NEGR1: variants seen among roughly 807,000 people sequenced by gnomAD.
NEGR1 encodes IgLON family member 4.
Under a neutral mutation model 40.9 loss-of-function variants are expected in NEGR1, and 10 were observed. The ratio of observed to expected loss-of-function variants is 0.24; its 90% CI spans 0.15 to 0.42. NEGR1 has a LOEUF of 0.42. NEGR1 is among the 10% of genes least tolerant of loss of function. The pLI is 1.00. For synonymous variants in NEGR1, 185 were observed against 166.8 expected, an observed-to-expected ratio of 1.11 and a Z score of -0.84; for missense variants, 352 against 438.9, an observed-to-expected ratio of 0.80 and a Z score of 1.77.
intron 6 of NEGR1, among the ~76,000 whole-genome samples, chr1:71,493,051 A>G (rs1261027894): frequency 1.3e-5 from 2 of 151,680 alleles, no homozygotes; most frequent in East Asian, 3.9e-4. Context: ...TTAGATTCAT[A>G]CTCCCCATCT....
chr1:71,704,683 A>T (rs536565198), intron 3 of NEGR1, among the ~76,000 whole-genome samples: 2 of 152,008 alleles, frequency 1.3e-5, no homozygotes, highest in Non-Finnish European at 2.9e-5. Flanking sequence ...CTTCAAGATC[A>T]TATCTCTATT....
At chr1:72,053,031 T>C (rs1217037121) in intron 1 of NEGR1, among the ~76,000 whole-genome samples, 1 of 151,430 alleles carries the variant, frequency 6.6e-6, no homozygotes, top group Non-Finnish European at 1.5e-5. Context: ...TTAATGCTTA[T>C]CAAGTTTTAT....
chr1:71,775,719 C>T (rs903714712), intron 3 of NEGR1, among the ~76,000 whole-genome samples: 12 of 151,140 alleles, frequency 7.9e-5, no homozygotes, highest in South Asian at 2.1e-4. Context: ...TGGCCAGGCG[C>T]GATGGCTCAT....
chr1:71,564,281 C>G (rs1648550214), intron 6 of NEGR1, among the ~76,000 whole-genome samples: 1 of 151,950 alleles, frequency 6.6e-6, no homozygotes, highest in Non-Finnish European at 1.5e-5. Flanking sequence ...ATTATCATCA[C>G]CACATACACT....
rs1338440268 is a variant in NEGR1 at position 71,731,201 on chromosome 1, G to T, written c.536-33062C>A. Reference sequence around the variant, plus strand: ...AATTTTACATGGTGAATTTTATGTGGTATGTATTCTAGAGCTTCTCCTCTC... The same window carrying T: ...AATTTTACATGGTGAATTTTATGTGTTATGTATTCTAGAGCTTCTCCTCTC... On this transcript the variant is annotated intron_variant, in intron 3 of 6. Coordinates refer to ENST00000357731, the MANE Select transcript of NEGR1 (RefSeq NM_173808.3). Among the ~76,000 whole-genome samples, 3 of 151,950 alleles carry T rather than the reference G, an allele frequency of 2.0e-5. No homozygotes were observed. The East Asian group carries it at 5.8e-4, about 29-fold the overall frequency.
intron 1 of NEGR1, among the ~76,000 whole-genome samples, chr1:72,067,717 G>GA (rs112631946): frequency 1.1e-4 from 17 of 151,570 alleles, no homozygotes; most frequent in African/African-American, 2.4e-4. Flanking sequence ...CATACTGGGG[G>GA]AAAAAAAACT....
intron 2 of NEGR1, among the ~76,000 whole-genome samples, chr1:71,810,413 C>T (rs796683056): frequency 5.9e-5 from 9 of 152,044 alleles, no homozygotes; most frequent in African/African-American, 2.2e-4. Flanking sequence ...TTGTAATTTT[C>T]CAGTCAGATA....
At chr1:72,246,200 C>G (rs182483054) in intron 1 of NEGR1, among the ~76,000 whole-genome samples, 1 of 139,380 alleles carries the variant, frequency 7.2e-6, no homozygotes, top group Non-Finnish European at 1.6e-5. Flanking sequence ...CTTTCCATCA[C>G]TTTCCTGACT....
intron 1 of NEGR1, among the ~76,000 whole-genome samples, chr1:72,144,845 T>C (rs1468939429): frequency 6.6e-6 from 1 of 152,072 alleles, no homozygotes; most frequent in Non-Finnish European, 1.5e-5. Flanking sequence ...TAAAGATTTT[T>C]CTCTGATTTC....
At chr1:71,583,917 C>T (rs1649215440) in intron 6 of NEGR1, among the ~76,000 whole-genome samples, 1 of 152,156 alleles carries the variant, frequency 6.6e-6, no homozygotes, top group African/African-American at 2.4e-5. Context: ...GATTATGCAA[C>T]TATCTAAAAA....
chr1:71,662,500 T>C (rs564009338), intron 4 of NEGR1, among the ~76,000 whole-genome samples: 1 of 152,138 alleles, frequency 6.6e-6, no homozygotes, highest in Non-Finnish European at 1.5e-5. Flanking sequence ...ACCTTGGTTC[T>C]ACCATTTATT....
At chr1:71,612,817 T>G (rs1650305716) in intron 4 of NEGR1, among the ~76,000 whole-genome samples, 1 of 152,158 alleles carries the variant, frequency 6.6e-6, no homozygotes, top group African/African-American at 2.4e-5. Flanking sequence ...ACACTGAGGC[T>G]GAAGCTAGCC....
chr1:71,726,720 T>C (rs939894664), intron 3 of NEGR1, among the ~76,000 whole-genome samples: 2 of 152,176 alleles, frequency 1.3e-5, no homozygotes, highest in Admixed American at 1.3e-4. Flanking sequence ...CAGTCACATG[T>C]CCATCTCTAG....
At chr1:71,688,403 T>A (rs74197330) in intron 4 of NEGR1, among the ~76,000 whole-genome samples, 3,410 of 30,024 alleles carry the variant, frequency 0.11, 650 homozygotes, top group African/African-American at 0.18. Context: ...AATATATATA[T>A]AAGATATATA....
At chr1:71,972,515 C>T (rs1332632164) in intron 1 of NEGR1, among the ~76,000 whole-genome samples, 2 of 152,214 alleles carry the variant, frequency 1.3e-5, no homozygotes, top group East Asian at 3.9e-4. Flanking sequence ...TATACTTAAC[C>T]TCAGCTGTGT....
At chr1:72,203,031 T>C (rs1160900205) in intron 1 of NEGR1, among the ~76,000 whole-genome samples, 2 of 152,048 alleles carry the variant, frequency 1.3e-5, no homozygotes, top group Non-Finnish European at 2.9e-5. Flanking sequence ...CCCAGAGTTC[T>C]GATGGAGATG....
At position 72,005,136 on chromosome 1, in the gene NEGR1, T is replaced by C. The variant is rs1298463071; in HGVS notation, c.177-69825A>G. 2.6e-5 allele frequency among the ~76,000 whole-genome samples: 4 copies of C among 152,124 alleles called. No homozygotes were observed. In the East Asian group the frequency reaches 7.7e-4, roughly 29 times the overall value. On this transcript the variant is annotated intron_variant, in intron 1 of 6. Coordinates refer to ENST00000357731, the MANE Select transcript of NEGR1 (RefSeq NM_173808.3). ...CATAGAAACATGCATAAGTGAAGAT[T>C]GAAAGTTGAAAATAACATATTTGGC...
At chr1:72,128,507 G>A (rs569100806) in intron 1 of NEGR1, among the ~76,000 whole-genome samples, 4 of 152,160 alleles carry the variant, frequency 2.6e-5, no homozygotes, top group East Asian at 1.9e-4. Context: ...CAAGTTATGT[G>A]AAATAAGATT....
At chr1:71,492,696 G>T (rs949389293) in intron 6 of NEGR1, among the ~76,000 whole-genome samples, 3 of 152,078 alleles carry the variant, frequency 2.0e-5, no homozygotes, top group Admixed American at 2.0e-4. Context: ...CACAAAGCTG[G>T]TTAGGTTAAA....
Sources: allele counts gnomAD v4.1 joint callset (sites outside exome capture counted in the v4.1 genomes callset), GRCh38; gene constraint gnomAD v4.1.1; transcripts MANE v1.5; gene names NCBI Gene and HGNC (gene_info 2026-07-23, HGNC 2026-07-21).